Variants in ST7 observed in about 807,000 individuals in gnomAD.
The protein encoded by ST7 is suppression of tumorigenicity 7.
ST7 carries 28 observed loss-of-function variants against 78.7 expected under a neutral mutation model. The ratio of observed to expected loss-of-function variants is 0.36; its 90% confidence interval spans 0.26 to 0.49. The LOEUF (loss-of-function observed/expected upper bound fraction) is 0.49. ST7 is among the 20% of genes least tolerant of loss of function. The probability of loss-of-function intolerance (pLI) is 0.99; values close to 1 mark genes in which losing one functional copy is unlikely to be tolerated. For synonymous variants in ST7, 247 were observed against 249.6 expected (o/e 0.99, Z 0.10); for missense variants, 418 against 696.0 (o/e 0.60, Z 4.49).
chr7:117,181,768 G>A (rs1308328403), intron 10 of ST7, among the ~76,000 whole-genome samples: 1 of 152,146 alleles, frequency 6.6e-6, no homozygotes, highest in Non-Finnish European at 1.5e-5. Context: ...AAAAAATTGT[G>A]TCAAATAAAC....
chr7:116,975,976 C>T (rs1338683074), intron 1 of ST7, among the ~76,000 whole-genome samples: 1 of 151,786 alleles, frequency 6.6e-6, no homozygotes, highest in Non-Finnish European at 1.5e-5. Context: ...TTAAAAGAAA[C>T]AAGGCTGGGC....
chr7:117,210,067 A>T (rs1792158243), intron 13 of ST7, 130 bp downstream of exon 13: 1 of 1,122,590 alleles, frequency 8.9e-7, no homozygotes, highest in Non-Finnish European at 1.2e-6. Flanking sequence ...GGCCCATCTA[A>T]GCCAGTTAGT....
rs192696475 is a variant in ST7, at chr7:117,176,568, C to T, written c.1078+5592C>T. ...AAAATTTCGTAAACCTTGCTTATTT[C>T]CCAAGGCCTTATAACTAGCACAAGT... On this transcript the variant is annotated intron_variant, in intron 10 of 15. Transcript: ENST00000323984. Among the ~76,000 whole-genome samples, 8 of 152,298 alleles carry T rather than the reference C, an allele frequency of 5.3e-5. No individual in the cohort carries two copies. The East Asian group carries it at 1.5e-3, about 29-fold the overall frequency.
chr7:117,133,317 CA>C (rs1804517136), intron 6 of ST7, among the ~76,000 whole-genome samples: 1 of 151,680 alleles, frequency 6.6e-6, no homozygotes, highest in South Asian at 2.1e-4. Flanking sequence ...GGCCTGCCTA[CA>C]AGGTCTTTCG....
chr7:117,052,066 G>C (rs1797816937), intron 1 of ST7, among the ~76,000 whole-genome samples: 1 of 152,128 alleles, frequency 6.6e-6, no homozygotes, highest in Admixed American at 6.5e-5. Flanking sequence ...TTTATGCAGT[G>C]TTCTCAAGTA....
intron 1 of ST7, among the ~76,000 whole-genome samples, chr7:116,984,348 A>G (rs1279705560): frequency 6.6e-6 from 1 of 152,184 alleles, no homozygotes; most frequent in Non-Finnish European, 1.5e-5. Flanking sequence ...CAGAAAATAG[A>G]CTAATACAGG....
At position 117,228,371 on chromosome 7, in the gene ST7, T is replaced by C. The variant is rs918648857; in HGVS notation, c.1639-1391T>C. Among the ~76,000 whole-genome samples the C allele has an allele frequency of 2.0e-5, 3 of 152,238 alleles. 1 individual carries two copies. The highest frequency in any genetic ancestry group is 2.4e-5 in the African/African-American group (1 of 41,460). ...TTTGAGCTTCCTGACAGTGGGAGTTTAGTTTTGAACTACACCCCTTTATAT... is the reference window on the plus strand; with the variant it reads ...TTTGAGCTTCCTGACAGTGGGAGTTCAGTTTTGAACTACACCCCTTTATAT... On this transcript the variant is annotated intron_variant, in intron 15 of 15. Transcript: ENST00000323984.
At chr7:117,183,242 G>A (rs1462206008) in intron 10 of ST7, among the ~76,000 whole-genome samples, 5 of 151,798 alleles carry the variant, frequency 3.3e-5, no homozygotes, top group African/African-American at 2.4e-5. Flanking sequence ...CTTGGCCAAC[G>A]TGGTGAAACC....
intron 2 of ST7, among the ~76,000 whole-genome samples, chr7:117,110,552 G>A (rs1802344294): frequency 6.6e-6 from 1 of 152,186 alleles, no homozygotes; most frequent in Non-Finnish European, 1.5e-5. Context: ...GAGCAGGGTT[G>A]GAACCCAGGC....
intron 12 of ST7, among the ~76,000 whole-genome samples, chr7:117,200,647 C>T (rs903960457): frequency 4.6e-5 from 7 of 152,090 alleles, no homozygotes; most frequent in Non-Finnish European, 8.8e-5. Context: ...TCCCAGCACT[C>T]ATTTCAGCAG....
intron 9 of ST7, among the ~76,000 whole-genome samples, chr7:117,150,875 T>C (rs1806187589): frequency 6.6e-6 from 1 of 152,254 alleles, no homozygotes; most frequent in Non-Finnish European, 1.5e-5. Flanking sequence ...CTATCTTGGC[T>C]ATCTTGGTAA....
intron 12 of ST7, among the ~76,000 whole-genome samples, chr7:117,202,236 A>C (rs1584589680): frequency 4.9e-5 from 1 of 20,528 alleles, no homozygotes; most frequent in African/African-American, 1.2e-4. Flanking sequence ...TGCTGGGATT[A>C]CAGGCGTGAG....
intron 1 of ST7, among the ~76,000 whole-genome samples, chr7:117,094,509 A>G (rs535396602): frequency 1.3e-5 from 2 of 152,080 alleles, no homozygotes; most frequent in East Asian, 1.9e-4. Flanking sequence ...TCTCTCACCC[A>G]TTGGATTGTG....
chr7:117,019,199 A>G (rs1795759226), intron 1 of ST7, among the ~76,000 whole-genome samples: 1 of 152,204 alleles, frequency 6.6e-6, no homozygotes, highest in Admixed American at 6.5e-5. Context: ...TCTACTATAT[A>G]TGATTTTAAA....
intron 1 of ST7, among the ~76,000 whole-genome samples, chr7:116,982,679 C>T (rs1562992181): frequency 6.6e-6 from 1 of 152,050 alleles, no homozygotes; most frequent in Non-Finnish European, 1.5e-5. Context: ...CTAAGATGTC[C>T]CAGTCTCATC....
chr7:117,097,840 A>ATG (rs1801177539), intron 1 of ST7, among the ~76,000 whole-genome samples: 2 of 126,982 alleles, frequency 1.6e-5, no homozygotes, highest in African/African-American at 5.7e-5. Flanking sequence ...ATATATATAT[A>ATG]TATGTATGAC....
At chr7:117,062,978 AG>A (rs1217888894) in intron 1 of ST7, among the ~76,000 whole-genome samples, 1 of 152,248 alleles carries the variant, frequency 6.6e-6, no homozygotes, top group African/African-American at 2.4e-5. Flanking sequence ...TTCAAGTAGA[AG>A]AAAAGAATGT....
rs1792131752 is a variant in ST7 at position 117,209,726 on chromosome 7, C to G, written c.1255-61C>G. ...TTAGGGAAATCAACTGCTCTATTTTCAATACTGAATTCTAAATTACTTAGG... is the reference window on the plus strand; with the variant it reads ...TTAGGGAAATCAACTGCTCTATTTTGAATACTGAATTCTAAATTACTTAGG... On this transcript the variant is annotated intron_variant, in intron 12 of 15. Transcript: ENST00000323984. 4 of 1,558,530 alleles carry G rather than the reference C, an allele frequency of 2.6e-6. No homozygotes were observed. The Admixed American group carries it at 7.7e-5, about 30-fold the overall frequency.
intron 12 of ST7, among the ~76,000 whole-genome samples, chr7:117,195,095 C>T (rs1176356346): frequency 6.6e-6 from 1 of 152,022 alleles, no homozygotes; most frequent in African/African-American, 2.4e-5. Flanking sequence ...AAACAATCTA[C>T]TCATATTTAA....
Sources: allele counts gnomAD v4.1 joint callset (sites outside exome capture counted in the v4.1 genomes callset), GRCh38; gene constraint gnomAD v4.1.1; transcripts MANE v1.5; gene names NCBI Gene and HGNC (gene_info 2026-07-23, HGNC 2026-07-21).